XDH: variants seen among roughly 807,000 people sequenced by gnomAD.
XDH encodes the protein xanthine dehydrogenase, also known as xanthine dehydrogenase/oxidase.
XDH carries 138 observed loss-of-function variants against 156.1 expected under a neutral mutation model. The ratio of observed to expected loss-of-function variants is 0.88; its 90% CI spans 0.77 to 1.02. The LOEUF (loss-of-function observed/expected upper bound fraction) is 1.02. Ranked by LOEUF, XDH falls within the 50% of genes least tolerant of loss-of-function variation. The pLI is 0.00. For missense variants in XDH, 1,849 were observed against 1,684.9 expected (o/e 1.10, Z -1.71); for synonymous variants, 669 against 625.7 (o/e 1.07, Z -1.03).
chr2:31,403,086 C>T lies in XDH; in HGVS notation c.159G>A (p.Val53=), dbSNP rs201762175. ...CGEGGCGACT[V]MLSKYDRLQN... ...GCAGACGATCATACTTGGAGAGCAT[C>T]ACTGTGCAAGCCCCGCAGCCCCCCT... is the stretch of plus-strand genomic sequence containing the variant. Residue 53 remains valine (V), a synonymous_variant, in exon 3 of 36, where the codon GTG becomes GTA. Coordinates refer to ENST00000379416, the MANE Select transcript of XDH (RefSeq NM_000379.4). 9.3e-6 allele frequency: 15 copies of T among 1,614,188 alleles called. No individual in the cohort carries two copies. In the East Asian group the frequency reaches 2.9e-4, roughly 31 times the overall value.
chr2:31,345,824 G>A (rs943904334), intron 30 of XDH, among the ~76,000 whole-genome samples: 3 of 152,208 alleles, frequency 2.0e-5, no homozygotes, highest in Non-Finnish European at 4.4e-5. Context: ...GGTGGTTGAA[G>A]ACAAAGCTCA....
At position 31,353,966 on chromosome 2, in the gene XDH, A is replaced by C. The variant is rs117008378; in HGVS notation, c.2632-3743T>G. On this transcript the variant is annotated intron_variant, in intron 24 of 35. Transcript: ENST00000379416. ...TTATGATGGAGTCACTGGAGAACAC[A>C]TTGACTTCCCCACCCACATAACAAA... 9.2e-5 allele frequency among the ~76,000 whole-genome samples: 14 copies of C among 152,218 alleles called. No individual in the cohort carries two copies. In the East Asian group the frequency reaches 2.1e-3, roughly 23 times the overall value.
intron 30 of XDH, among the ~76,000 whole-genome samples, chr2:31,345,415 A>C (rs942896110): frequency 2.6e-5 from 4 of 152,162 alleles, no homozygotes; most frequent in Non-Finnish European, 5.9e-5. Flanking sequence ...TGGACTATAT[A>C]ATGTGCTTTT....
chr2:31,396,172 G>A (rs994786669), intron 6 of XDH, among the ~76,000 whole-genome samples: 15 of 152,226 alleles, frequency 9.9e-5, no homozygotes, highest in Non-Finnish European at 1.5e-4. Flanking sequence ...GCTGCTCAGA[G>A]CTCTCAGTCT....
In XDH at chr2:31,343,970, T is replaced by C. The variant is rs540311381; in HGVS notation, c.3404+714A>G. On this transcript the variant is annotated intron_variant, in intron 31 of 35. Transcript: ENST00000379416. ...AACATTGAATTATTTTCCAAATATA[T>C]TGAAAGAAAATATTCCAAATATCTG... 6.6e-5 allele frequency among the ~76,000 whole-genome samples: 10 copies of C among 152,204 alleles called. No individual in the cohort carries two copies. In the South Asian group the frequency reaches 1.5e-3, roughly 22 times the overall value.
At chr2:31,366,753 A>C in intron 21 of XDH, 117 bp downstream of exon 21, 17 of 1,529,044 alleles carry the variant, frequency 1.1e-5, no homozygotes, top group East Asian at 4.5e-5. Flanking sequence ...ATGACACTCG[A>C]GTACCCTCTG....
intron 1 of XDH, among the ~76,000 whole-genome samples, chr2:31,408,946 A>G (rs1369587113): frequency 1.3e-5 from 2 of 152,260 alleles, no homozygotes; most frequent in Non-Finnish European, 2.9e-5. Context: ...CTGGAGTGCT[A>G]TTTAGCCATA....
chr2:31,380,005 A>G, intron 12 of XDH, 29 bp from the exon 13 acceptor site: 1 of 1,606,352 alleles, frequency 6.2e-7, no homozygotes, highest in South Asian at 1.1e-5. Context: ...AAGAGGAGCC[A>G]AAGTGAGGGA....
intron 24 of XDH, among the ~76,000 whole-genome samples, chr2:31,363,427 A>G (rs912904746): frequency 1.3e-5 from 2 of 152,250 alleles, no homozygotes; most frequent in African/African-American, 4.8e-5. Context: ...TGACTACAAG[A>G]CGGAAAGTAG....
intron 18 of XDH, 26 bp from the exon 19 acceptor site, chr2:31,368,686 G>T: frequency 6.2e-7 from 1 of 1,614,218 alleles, no homozygotes. Context: ...GACTGTTAAA[G>T]AACGCAACCA....
rs1684960611 is a variant in XDH, at chr2:31,335,962, A to C, written c.3998T>G (p.Val1333Gly). ...PENCKPWSVR[V>G] ...ACTCTGCTGAGGACTCTCTCTTTAG[A>C]CCCTCACAGACCAGGGTTTGCAGTT... is the stretch of plus-strand genomic sequence containing the variant. The change falls in exon 36 of 36, where the codon GTC becomes GGC. Residue 1333 changes from valine (V) to glycine (G), a missense_variant. Physicochemically the swap from Val to Gly is moderately radical, Grantham distance 109. Transcript: ENST00000379416. 12 of 1,614,026 alleles carry C rather than the reference A, an allele frequency of 7.4e-6. No homozygotes were observed. The highest frequency in any genetic ancestry group is 1.7e-5 in the Admixed American group (1 of 60,000).
intron 14 of XDH, among the ~76,000 whole-genome samples, 188 bp from the exon 15 acceptor site, chr2:31,375,742 T>C (rs1686227991): frequency 6.6e-6 from 1 of 152,208 alleles, no homozygotes; most frequent in Non-Finnish European, 1.5e-5. Context: ...TCTTCAAAAA[T>C]AGATACAATT....
At chr2:31,386,652 A>G (rs1686605815) in intron 8 of XDH, 97 bp from the exon 9 acceptor site, 3 of 1,503,022 alleles carry the variant, frequency 2.0e-6, no homozygotes, top group Middle Eastern at 1.8e-4. Context: ...TTTTACTGAC[A>G]TTCAGAATGA....
Position 31,398,654 on chromosome 2 carries a change from G to T in XDH, c.352C>A (p.Pro118Thr), listed in dbSNP as rs1395033528. The change falls in exon 5 of 36, where the codon CCT becomes ACT. Residue 118 changes from proline (P) to threonine (T), a missense_variant. Transcript: ENST00000379416. ...SHGSQCGFCT[P>T]GIVMSMYTLL... ...GTGTACATACTCATGACGATGCCAG[G>T]GGTGCAGAACCCGCACTGGGAGCCG... 1 of 1,614,132 alleles carries T rather than the reference G, an allele frequency of 6.2e-7. No individual in the cohort carries two copies. Among genetic ancestry groups the T allele is most frequent in the African/African-American group, 1.3e-5 (1 of 75,040 alleles).
intron 3 of XDH, 106 bp downstream of exon 3, chr2:31,402,942 C>T: frequency 1.6e-6 from 2 of 1,222,610 alleles, no homozygotes; most frequent in South Asian, 1.2e-5. Flanking sequence ...AACAGGGGCT[C>T]ACACATGCGC....
chr2:31,380,921 G>A (rs763742701), intron 12 of XDH, among the ~76,000 whole-genome samples: 6 of 152,174 alleles, frequency 3.9e-5, no homozygotes, highest in Admixed American at 6.5e-5. Context: ...AAGTACTTAC[G>A]AAGTGATGAA....
At chr2:31,366,847 G>C in intron 21 of XDH, 23 bp downstream of exon 21, 3 of 1,613,646 alleles carry the variant, frequency 1.9e-6, no homozygotes, top group Non-Finnish European at 1.7e-6. Flanking sequence ...ACAGCCCCTT[G>C]AGCTGACCCA....
chr2:31,399,396 G>A (rs745760662), intron 4 of XDH, among the ~76,000 whole-genome samples: 2 of 152,124 alleles, frequency 1.3e-5, no homozygotes, highest in Non-Finnish European at 2.9e-5. Context: ...GAGCAAGTGT[G>A]GGGAGAGAAG....
intron 6 of XDH, among the ~76,000 whole-genome samples, chr2:31,392,873 T>A (rs1686805074): frequency 6.6e-6 from 1 of 152,260 alleles, no homozygotes; most frequent in Non-Finnish European, 1.5e-5. Flanking sequence ...CCCTTGAGAT[T>A]TTCTTTTTGA....
Sources: gnomAD v4.1 joint callset for allele counts (sites outside exome capture counted in the v4.1 genomes callset) on GRCh38, gnomAD v4.1.1 for gene constraint, MANE v1.5 for transcripts, NCBI Gene and HGNC (gene_info 2026-07-23, HGNC 2026-07-21) for gene names.